The following COL23A1 variants were observed in gnomAD, a reference collection of about 807,000 sequenced individuals.
COL23A1 encodes the protein collagen type XXIII alpha 1 chain.
In COL23A1, 97 loss-of-function variants were observed where a neutral mutation model predicts 99.3. The observed-to-expected ratio is 0.98, with a 90% CI of 0.83 to 1.16. COL23A1 has a LOEUF of 1.16. Among genes scored for constraint, COL23A1 ranks in the 50% most tolerant of loss-of-function variants. The pLI, the probability that COL23A1 is intolerant of heterozygous loss-of-function variation, is 0.00. For synonymous variants in COL23A1, 320 were observed against 308.2 expected (o/e 1.04, Z -0.40); for missense variants, 762 against 757.4 (o/e 1.01, Z -0.07).
chr5:178,568,322 G>A (rs1208845514), intron 1 of COL23A1, among the ~76,000 whole-genome samples: 1 of 151,632 alleles, frequency 6.6e-6, no homozygotes, highest in Non-Finnish European at 1.5e-5. Context: ...TTAGAGAGAA[G>A]AAATGGGTGA....
chr5:178,352,698 T>G (rs1363291549), intron 2 of COL23A1, among the ~76,000 whole-genome samples: 1 of 152,218 alleles, frequency 6.6e-6, no homozygotes, highest in Non-Finnish European at 1.5e-5. Context: ...CTCTGGAAGA[T>G]GCATTCTCTT....
chr5:178,501,469 T>C (rs1375656726), intron 2 of COL23A1, among the ~76,000 whole-genome samples: 9 of 151,766 alleles, frequency 5.9e-5, no homozygotes. Context: ...CAGTCCCAGC[T>C]ACTCGGGAGG....
intron 2 of COL23A1, among the ~76,000 whole-genome samples, chr5:178,421,805 G>C (rs1765646124): frequency 6.6e-6 from 1 of 152,212 alleles, no homozygotes; most frequent in Non-Finnish European, 1.5e-5. Context: ...GGAAGCAGAA[G>C]TTGCAGTGAG....
chr5:178,450,939 T>G (rs1194486009), intron 2 of COL23A1, among the ~76,000 whole-genome samples: 1 of 152,216 alleles, frequency 6.6e-6, no homozygotes, highest in African/African-American at 2.4e-5. Flanking sequence ...AGTTAGCAAC[T>G]TTTTCTTTCT....
intron 2 of COL23A1, among the ~76,000 whole-genome samples, chr5:178,323,068 C>T (rs1190424169): frequency 2.6e-5 from 4 of 151,858 alleles, no homozygotes; most frequent in Non-Finnish European, 5.9e-5. Flanking sequence ...TGGCATGTGG[C>T]GCTGTAGGAG....
chr5:178,311,738 GT>G (rs146117577), intron 2 of COL23A1, among the ~76,000 whole-genome samples: 1 of 32,002 alleles, frequency 3.1e-5, no homozygotes, highest in Non-Finnish European at 1.3e-4. Context: ...GTTTTGTTTT[GT>G]TTTTTTTTTG....
chr5:178,455,409 C>A (rs1767725245), intron 2 of COL23A1, among the ~76,000 whole-genome samples: 1 of 152,168 alleles, frequency 6.6e-6, no homozygotes, highest in Non-Finnish European at 1.5e-5. Flanking sequence ...AGGGTGGAAC[C>A]CCAGGGGGGC....
chr5:178,546,954 G>C (rs2113398587), intron 2 of COL23A1, among the ~76,000 whole-genome samples: 1 of 152,296 alleles, frequency 6.6e-6, no homozygotes, highest in South Asian at 2.1e-4. Context: ...AGGGGCTCCA[G>C]GGCAGAGAAG....
At chr5:178,457,683 C>T (rs1465773952) in intron 2 of COL23A1, among the ~76,000 whole-genome samples, 1 of 152,110 alleles carries the variant, frequency 6.6e-6, no homozygotes. Flanking sequence ...CGTTTGGTAA[C>T]ACAATTTCAC....
Position 178,255,078 on chromosome 5 carries a change from A to T in COL23A1, c.883-52T>A, listed in dbSNP as rs1345081260. 2.0e-6 allele frequency: 3 copies of T among 1,465,046 alleles called. No individual in the cohort carries two copies. The South Asian group carries it at 3.4e-5, about 17-fold the overall frequency. 90.8% of individuals were successfully genotyped at this position (1,465,046 alleles called of 1,614,324 possible). A position where few individuals can be genotyped will look rare whatever the true frequency, so the allele number is the denominator to read the frequency against. Reference sequence around the variant, plus strand: ...TCAGGGAAGAGCTACACTGAGTTGGAGGTGAAGTGGCAGCTGTCCCTGCAT... The same window carrying T: ...TCAGGGAAGAGCTACACTGAGTTGGTGGTGAAGTGGCAGCTGTCCCTGCAT... On this transcript the variant is annotated intron_variant, in intron 15 of 28. Transcript: ENST00000390654. The surrounding 1 kb of genome is among the most constrained non-coding windows in gnomAD (Gnocchi z 4.2).
chr5:178,493,330 G>A (rs1758031066), intron 2 of COL23A1, among the ~76,000 whole-genome samples: 1 of 152,198 alleles, frequency 6.6e-6, no homozygotes, highest in Admixed American at 6.5e-5. Flanking sequence ...AGTTCACCAG[G>A]CCTCCAACTT....
chr5:178,266,519 C>A (rs920279379), intron 8 of COL23A1, among the ~76,000 whole-genome samples: 3 of 152,074 alleles, frequency 2.0e-5, no homozygotes, highest in Non-Finnish European at 4.4e-5. Flanking sequence ...GACTTCTAGT[C>A]TGTTGAAGAG....
intron 2 of COL23A1, among the ~76,000 whole-genome samples, chr5:178,558,029 C>A (rs1360747098): frequency 6.6e-6 from 1 of 151,456 alleles, no homozygotes; most frequent in Non-Finnish European, 1.5e-5. Flanking sequence ...ACAGCATCAG[C>A]ACGGTGCTGA....
intron 2 of COL23A1, among the ~76,000 whole-genome samples, chr5:178,326,276 T>C (rs867883378): frequency 3.9e-5 from 6 of 152,202 alleles, no homozygotes; most frequent in Non-Finnish European, 7.3e-5. Flanking sequence ...GCACTGGCTC[T>C]GGGGAATGCG....
chr5:178,553,408 G>C (rs932831100), intron 2 of COL23A1, among the ~76,000 whole-genome samples: 2 of 152,164 alleles, frequency 1.3e-5, no homozygotes, highest in African/African-American at 2.4e-5. Flanking sequence ...ACTGCCAAAT[G>C]TTTTGATGGA....
At chr5:178,359,002 A>G (rs1762033103) in intron 2 of COL23A1, among the ~76,000 whole-genome samples, 1 of 152,218 alleles carries the variant, frequency 6.6e-6, no homozygotes, top group Non-Finnish European at 1.5e-5. Flanking sequence ...ACTGTCTAAT[A>G]AAAGGCTTCT....
intron 2 of COL23A1, among the ~76,000 whole-genome samples, chr5:178,496,976 G>A (rs944867101): frequency 2.6e-5 from 4 of 152,164 alleles, no homozygotes; most frequent in Admixed American, 2.6e-4. Context: ...GCCTCTCTGA[G>A]AGGATCCTTG....
chr5:178,280,992 C>G lies in COL23A1; in HGVS notation c.441+7332G>C, dbSNP rs1756867790. Among the ~76,000 whole-genome samples, 1 of 152,170 alleles carries G rather than the reference C, an allele frequency of 6.6e-6. No individual in the cohort carries two copies. The highest frequency in any genetic ancestry group is 2.4e-5 in the African/African-American group (1 of 41,448). ...CTGGGGACACAGTGCTGGACCAAGA[C>G]AAGAGGCTGGACTCAAGAGACTTAG... is the stretch of plus-strand genomic sequence containing the variant. On this transcript the variant is annotated intron_variant, in intron 5 of 28. Transcript: ENST00000390654. The surrounding 1 kb of genome is among the most constrained non-coding windows in gnomAD (Gnocchi z 4.9).
intron 2 of COL23A1, among the ~76,000 whole-genome samples, chr5:178,440,910 C>A (rs1293156775): frequency 6.6e-6 from 1 of 152,206 alleles, no homozygotes; most frequent in South Asian, 2.1e-4. Context: ...AGCCACCATG[C>A]CCGGCCTACT....
Sources: gnomAD v4.1 joint callset for allele counts (sites outside exome capture counted in the v4.1 genomes callset) on GRCh38, gnomAD v4.1.1 for gene constraint, Gnocchi (gnomAD v3.1) non-coding constraint, MANE v1.5 for transcripts, NCBI Gene and HGNC (gene_info 2026-07-23, HGNC 2026-07-21) for gene names.